The following NRXN1 variants were observed in gnomAD, a reference collection of about 807,000 sequenced individuals.
NRXN1 encodes the protein neurexin 1.
NRXN1 carries 39 observed loss-of-function variants against 150.9 expected under a neutral mutation model. That is an observed-to-expected ratio of 0.26 (90% CI 0.20 to 0.34). The LOEUF (loss-of-function observed/expected upper bound fraction) is 0.34. NRXN1 is among the 10% of genes least tolerant of loss of function. The pLI, the probability that NRXN1 is intolerant of heterozygous loss-of-function variation, is 1.00. For missense variants in NRXN1, 1,815 were observed against 1,949.9 expected, an observed-to-expected ratio of 0.93 and a Z score of 1.30; for synonymous variants, 924 against 757.0, an observed-to-expected ratio of 1.22 and a Z score of -3.62.
chr2:50,015,579 G>A (rs1686453102), intron 21 of NRXN1, among the ~76,000 whole-genome samples: 1 of 145,912 alleles, frequency 6.9e-6, no homozygotes, highest in South Asian at 2.2e-4. Flanking sequence ...CTGGCCCTCT[G>A]TGTGTGGCCT....
At chr2:50,821,422 T>C (rs1669701639) in intron 5 of NRXN1, among the ~76,000 whole-genome samples, 1 of 152,172 alleles carries the variant, frequency 6.6e-6, no homozygotes, top group Admixed American at 6.5e-5. Flanking sequence ...TTAGCAGCTG[T>C]GTGACATTAG....
chr2:50,126,872 C>T (rs938485383), intron 18 of NRXN1, among the ~76,000 whole-genome samples: 4 of 151,970 alleles, frequency 2.6e-5, no homozygotes, highest in Non-Finnish European at 5.9e-5. Context: ...TTATATATTT[C>T]ATTAAATTAT....
At chr2:50,954,732 C>G (rs1300731530) in intron 2 of NRXN1, among the ~76,000 whole-genome samples, 2 of 152,202 alleles carry the variant, frequency 1.3e-5, no homozygotes, top group Non-Finnish European at 2.9e-5. Context: ...TCTTTATAAA[C>G]TGTGAATCAA....
In NRXN1 at chr2:50,529,657, C is replaced by T. The variant is rs113171612; in HGVS notation, c.2348-1006G>A. On this transcript the variant is annotated intron_variant, in intron 11 of 22. Transcript: ENST00000401669. Reference sequence around the variant, plus strand: ...ACCGCATCAGAAAAGTGGTTGCAAACAGCCAAGGACCAGCACCTACACACC... The same window carrying T: ...ACCGCATCAGAAAAGTGGTTGCAAATAGCCAAGGACCAGCACCTACACACC... Among the ~76,000 whole-genome samples, 457 of 152,304 alleles carry T rather than the reference C, an allele frequency of 3.0e-3. 3 individuals are homozygous for T. The highest frequency in any genetic ancestry group is 0.011 in the African/African-American group (442 of 41,554).
At chr2:50,499,965 A>T (rs1401012180) in intron 13 of NRXN1, among the ~76,000 whole-genome samples, 1 of 151,306 alleles carries the variant, frequency 6.6e-6, no homozygotes, top group Non-Finnish European at 1.5e-5. Context: ...AAAAAAAAAA[A>T]AGTCATATGG....
At chr2:50,243,044 T>C (rs922584192) in intron 17 of NRXN1, among the ~76,000 whole-genome samples, 2 of 151,752 alleles carry the variant, frequency 1.3e-5, no homozygotes, top group Non-Finnish European at 2.9e-5. Flanking sequence ...GACAGCAACA[T>C]AGGTCAACAG....
chr2:50,799,942 C>T (rs1395731685), intron 5 of NRXN1, among the ~76,000 whole-genome samples: 1 of 152,032 alleles, frequency 6.6e-6, no homozygotes, highest in African/African-American at 2.4e-5. Flanking sequence ...GAGAAACACA[C>T]ATGATAATTT....
At chr2:49,938,828 A>T (rs1671483077) in intron 22 of NRXN1, among the ~76,000 whole-genome samples, 1 of 152,334 alleles carries the variant, frequency 6.6e-6, no homozygotes, top group African/African-American at 2.4e-5. Context: ...GATCTTGAAT[A>T]TCAACATAAA....
chr2:50,129,600 T>C (rs1705165383), intron 18 of NRXN1, among the ~76,000 whole-genome samples: 1 of 152,118 alleles, frequency 6.6e-6, no homozygotes, highest in African/African-American at 2.4e-5. Context: ...TGTCCTAATA[T>C]AAAAACAAAA....
intron 18 of NRXN1, among the ~76,000 whole-genome samples, chr2:50,214,840 C>T (rs912292782): frequency 6.6e-6 from 1 of 151,962 alleles, no homozygotes; most frequent in African/African-American, 2.4e-5. Context: ...CATTCACATC[C>T]TGTTTCATTC....
intron 22 of NRXN1, among the ~76,000 whole-genome samples, chr2:49,929,543 C>T (rs1572894452): frequency 6.6e-6 from 1 of 152,108 alleles, no homozygotes; most frequent in Non-Finnish European, 1.5e-5. Context: ...GCTACCTACT[C>T]CAATTTGTCT....
At chr2:50,022,940 G>T (rs1252867743) in intron 21 of NRXN1, 3 of 152,130 alleles carry the variant, frequency 2.0e-5, no homozygotes, top group African/African-American at 7.2e-5. Context: ...TAATGCTGAG[G>T]TTCAGGCTAC....
At chr2:50,850,074 T>A (rs1235887329) in intron 5 of NRXN1, among the ~76,000 whole-genome samples, 1 of 150,956 alleles carries the variant, frequency 6.6e-6, no homozygotes, top group Non-Finnish European at 1.5e-5. Context: ...GAAAAAAAAA[T>A]AGCCAGGCAT....
intron 17 of NRXN1, among the ~76,000 whole-genome samples, chr2:50,337,154 C>T (rs1420911782): frequency 2.0e-5 from 3 of 147,288 alleles, no homozygotes; most frequent in African/African-American, 5.0e-5. Context: ...GGCTTGATCT[C>T]GGCTCACTGC....
At chr2:50,210,253 T>G (rs763779771) in intron 18 of NRXN1, among the ~76,000 whole-genome samples, 18 of 152,038 alleles carry the variant, frequency 1.2e-4, no homozygotes, top group Admixed American at 5.3e-4. Flanking sequence ...ATTATAAAAA[T>G]AACAACTCAT....
intron 5 of NRXN1, among the ~76,000 whole-genome samples, chr2:50,883,720 A>C (rs1001944175): frequency 6.6e-6 from 1 of 151,890 alleles, no homozygotes; most frequent in Non-Finnish European, 1.5e-5. Flanking sequence ...TAGTAGCAGA[A>C]TAAATAAATT....
In NRXN1 at chr2:50,989,931, C is replaced by T. The variant is rs181164977; in HGVS notation, c.772+37571G>A. Among the ~76,000 whole-genome samples, 14 of 152,124 alleles carry T rather than the reference C, an allele frequency of 9.2e-5. No homozygotes were observed. In the East Asian group the frequency reaches 2.3e-3, roughly 25 times the overall value. On this transcript the variant is annotated intron_variant, in intron 2 of 22. Transcript: ENST00000401669. Reference sequence around the variant, plus strand: ...ACAACTTTATCATTTCTCATTCACACCAGCAATGCATGAGATTTTTAGTTG... The same window carrying T: ...ACAACTTTATCATTTCTCATTCACATCAGCAATGCATGAGATTTTTAGTTG...
At chr2:50,421,178 T>C (rs148242355) in intron 17 of NRXN1, among the ~76,000 whole-genome samples, 183 of 152,204 alleles carry the variant, frequency 1.2e-3, no homozygotes, top group African/African-American at 4.0e-3. Flanking sequence ...AACGTTATGA[T>C]ATGCTGCATT....
At chr2:50,443,910 C>T (rs1207263482) in intron 17 of NRXN1, among the ~76,000 whole-genome samples, 1 of 152,058 alleles carries the variant, frequency 6.6e-6, no homozygotes, top group African/African-American at 2.4e-5. Context: ...TTAAAAATAA[C>T]TTAAATATTT....
Sources: gnomAD v4.1 joint callset for allele counts (sites outside exome capture counted in the v4.1 genomes callset) on GRCh38, gnomAD v4.1.1 for gene constraint, MANE v1.5 for transcripts, NCBI Gene and HGNC (gene_info 2026-07-23, HGNC 2026-07-21) for gene names.